The following MEMO1 variants were observed in gnomAD, a reference collection of about 807,000 sequenced individuals.
MEMO1 encodes mediator of cell motility 1, also known as protein MEMO1.
MEMO1 carries 6 observed loss-of-function variants against 45.2 expected under a neutral mutation model. The ratio of observed to expected loss-of-function variants is 0.13; its 90% confidence interval spans 0.07 to 0.26. The LOEUF is 0.26. MEMO1 is among the 10% of genes least tolerant of loss of function. MEMO1 has a pLI of 1.00. For missense variants in MEMO1, 184 were observed against 370.5 expected (o/e 0.50, Z 4.13); for synonymous variants, 78 against 124.3 (o/e 0.63, Z 2.48).
At chr2:31,920,022 C>A (rs1371440935) in intron 5 of MEMO1, among the ~76,000 whole-genome samples, 1 of 151,466 alleles carries the variant, frequency 6.6e-6, no homozygotes, top group Non-Finnish European at 1.5e-5. Flanking sequence ...AGGACATATA[C>A]CCAGATCATG....
intron 6 of MEMO1, among the ~76,000 whole-genome samples, chr2:31,914,250 T>C (rs1558499164): frequency 2.0e-5 from 3 of 151,950 alleles, no homozygotes; most frequent in Non-Finnish European, 4.4e-5. Flanking sequence ...TTCCAAACTA[T>C]AGAATCGTAA....
At chr2:31,977,713 G>A (rs895517587) in intron 2 of MEMO1, among the ~76,000 whole-genome samples, 1 of 152,006 alleles carries the variant, frequency 6.6e-6, no homozygotes, top group South Asian at 2.1e-4. Flanking sequence ...TGCATTTTTT[G>A]TTAGAGGTGG....
chr2:31,933,358 T>A lies in MEMO1; in HGVS notation c.144-1223A>T, dbSNP rs1572725968. On this transcript the variant is annotated intron_variant, in intron 3 of 9. Coordinates refer to ENST00000404530, the MANE Select transcript of MEMO1 (RefSeq NM_001301833.4). The stretch of plus-strand genomic sequence containing the variant: ...AAAAAAAAAAAAAAAAATTTATATA[T>A]ATATATATATATATATATATATATA... Among the ~76,000 whole-genome samples the A allele has an allele frequency of 5.5e-3, 161 of 29,312 alleles. 1 individual carries two copies. Among genetic ancestry groups the A allele is most frequent in the East Asian group, 0.018 (14 of 800 alleles). The allele number at this position is 29,312 out of a possible 152,430, so 19.2% of individuals were successfully genotyped here.
intron 2 of MEMO1, among the ~76,000 whole-genome samples, chr2:31,999,534 C>CT (rs1334061374): frequency 2.6e-5 from 4 of 152,078 alleles, no homozygotes; most frequent in Non-Finnish European, 1.5e-5. Flanking sequence ...GCCAGGCACG[C>CT]TGGTGCCTGC....
Position 31,906,571 on chromosome 2 carries a change from C to T in MEMO1, c.437+11355G>A, listed in dbSNP as rs539901329. On this transcript the variant is annotated intron_variant, in intron 6 of 9. Coordinates refer to ENST00000404530, the MANE Select transcript of MEMO1 (RefSeq NM_001301833.4). ...AACTCCTGACCTCATGATCCGCCCA[C>T]CTTGGCCTCCCAAAGTGCTGAGATT... is the stretch of plus-strand genomic sequence containing the variant. 4.6e-5 allele frequency among the ~76,000 whole-genome samples: 7 copies of T among 152,206 alleles called. No individual in the cohort carries two copies. In the South Asian group the frequency reaches 8.3e-4, roughly 18 times the overall value.
chr2:31,869,397 T>C lies in MEMO1; in HGVS notation c.762+451A>G, dbSNP rs1316981092. On this transcript the variant is annotated intron_variant, in intron 9 of 9. Coordinates refer to ENST00000404530, the MANE Select transcript of MEMO1 (RefSeq NM_001301833.4). Reference sequence around the variant, plus strand: ...TACCATTCCTTAACTGAAATAAACATTATTTTTGTTTTAATGAGAAAAACA... The same window carrying C: ...TACCATTCCTTAACTGAAATAAACACTATTTTTGTTTTAATGAGAAAAACA... Among the ~76,000 whole-genome samples the C allele has an allele frequency of 5.0e-4, 76 of 152,144 alleles. 1 individual carries two copies. Among genetic ancestry groups the C allele is most frequent in the African/African-American group, 2.4e-5 (1 of 41,460 alleles).
intron 8 of MEMO1, among the ~76,000 whole-genome samples, chr2:31,875,414 A>T (rs1674413185): frequency 6.6e-6 from 1 of 152,122 alleles, no homozygotes; most frequent in Non-Finnish European, 1.5e-5. Context: ...TTGTAATGAT[A>T]AGGTTAATGA....
chr2:31,993,315 C>T (rs1396126482), intron 2 of MEMO1, among the ~76,000 whole-genome samples: 2 of 152,170 alleles, frequency 1.3e-5, no homozygotes, highest in African/African-American at 4.8e-5. Flanking sequence ...TATACAACTA[C>T]AAAAACTAGA....
At chr2:31,891,849 T>C (rs1677031590) in intron 7 of MEMO1, 143 bp downstream of exon 7, 1 of 828,874 alleles carries the variant, frequency 1.2e-6, no homozygotes, top group South Asian at 2.0e-5. Flanking sequence ...AAAGATTTTT[T>C]ATTCACTTTT....
chr2:31,882,750 T>C (rs1278611504), intron 8 of MEMO1, among the ~76,000 whole-genome samples: 13 of 152,170 alleles, frequency 8.5e-5, no homozygotes, highest in Admixed American at 8.5e-4. Flanking sequence ...ATGTCTTTTA[T>C]TTCCAGAGGT....
At chr2:31,906,426 C>T (rs981373252) in intron 6 of MEMO1, among the ~76,000 whole-genome samples, 1 of 151,990 alleles carries the variant, frequency 6.6e-6, no homozygotes, top group African/African-American at 2.4e-5. Flanking sequence ...CAAGTTCAAG[C>T]GATTCTCCTT....
chr2:31,973,560 T>G (rs1669656882), intron 2 of MEMO1, among the ~76,000 whole-genome samples: 1 of 152,158 alleles, frequency 6.6e-6, no homozygotes, highest in Non-Finnish European at 1.5e-5. Flanking sequence ...TGGAACAGTC[T>G]TTTGAAATGT....
At chr2:31,883,496 G>A in intron 7 of MEMO1, 34 bp from the exon 8 acceptor site, 2 of 1,445,150 alleles carry the variant, frequency 1.4e-6, no homozygotes, top group Admixed American at 2.4e-5. Flanking sequence ...AATAAAATAG[G>A]GAAAAATTAG....
At position 31,889,614 on chromosome 2, in the gene MEMO1, C is replaced by T. The variant is rs139454875; in HGVS notation, c.580+2378G>A. 6.3e-3 allele frequency among the ~76,000 whole-genome samples: 959 copies of T among 152,116 alleles called. 13 individuals carry two copies. The highest frequency in any genetic ancestry group is 0.011 in the Non-Finnish European group (739 of 67,936). ...CAATAATTCATAATACTTTAGTCAG[C>T]ATGCAAAAGAGAAAATGTATCTCAC... On this transcript the variant is annotated intron_variant, in intron 7 of 9. Coordinates refer to ENST00000404530, the MANE Select transcript of MEMO1 (RefSeq NM_001301833.4).
intron 6 of MEMO1, among the ~76,000 whole-genome samples, chr2:31,907,814 C>CAT (rs1339690095): frequency 6.6e-6 from 1 of 151,590 alleles, no homozygotes; most frequent in Non-Finnish European, 1.5e-5. Context: ...CACACACACA[C>CAT]ACACACATAC....
intron 2 of MEMO1, among the ~76,000 whole-genome samples, chr2:31,993,945 C>CTTTTTTTTTTTTTTTT (rs1558562652): frequency 1.6e-5 from 2 of 124,580 alleles, no homozygotes; most frequent in African/African-American, 6.2e-5. Context: ...ATCATCAATA[C>CTTTTTTTTTTTTTTTT]TTTCTTTTTT....
intron 7 of MEMO1, among the ~76,000 whole-genome samples, chr2:31,891,543 T>C (rs577374529): frequency 8.0e-5 from 12 of 149,096 alleles, no homozygotes; most frequent in Non-Finnish European, 1.6e-4. Context: ...GAGTAAAAAC[T>C]AAGCACCAAA....
chr2:31,962,071 C>T (rs1301164424), intron 2 of MEMO1, among the ~76,000 whole-genome samples: 1 of 151,760 alleles, frequency 6.6e-6, no homozygotes, highest in Non-Finnish European at 1.5e-5. Flanking sequence ...AGTTGTTATA[C>T]TAAGAGGTAA....
chr2:31,997,289 C>T (rs1015863452), intron 2 of MEMO1, among the ~76,000 whole-genome samples: 3 of 152,246 alleles, frequency 2.0e-5, no homozygotes, highest in African/African-American at 7.2e-5. Context: ...AATCGTCAAG[C>T]AACCTGAAGA....
Sources: allele counts gnomAD v4.1 joint callset (sites outside exome capture counted in the v4.1 genomes callset), GRCh38; gene constraint gnomAD v4.1.1; transcripts MANE v1.5; gene names NCBI Gene and HGNC (gene_info 2026-07-23, HGNC 2026-07-21).